The following SLC22A9 variants were observed in gnomAD, a reference collection of about 807,000 sequenced individuals.
SLC22A9 encodes organic anion transporter 7.
SLC22A9 carries 64 observed loss-of-function variants against 50.1 expected under a neutral mutation model. That is an observed-to-expected ratio of 1.28 (90% CI 1.04 to 1.57). The LOEUF (loss-of-function observed/expected upper bound fraction) is 1.57. SLC22A9 is among the 40% of genes most tolerant of loss of function. The probability of loss-of-function intolerance (pLI) is 0.00; values close to 1 mark genes in which losing one functional copy is unlikely to be tolerated. For missense variants in SLC22A9, 757 were observed against 676.1 expected (o/e 1.12, Z -1.33); for synonymous variants, 261 against 242.5 (o/e 1.08, Z -0.71).
chr11:63,385,317 T>C (rs1297683267), intron 6 of SLC22A9, among the ~76,000 whole-genome samples: 1 of 152,100 alleles, frequency 6.6e-6, no homozygotes. Context: ...CAGATTTTTC[T>C]AATTCTTTGA....
intron 8 of SLC22A9, 145 bp from the exon 9 acceptor site, chr11:63,408,531 A>T: frequency 1.3e-6 from 1 of 765,650 alleles, no homozygotes; most frequent in Non-Finnish European, 2.1e-6. Flanking sequence ...TTGCTAGCAA[A>T]TAAAAGTGAA....
At chr11:63,400,001 C>T (rs985210868) in intron 6 of SLC22A9, among the ~76,000 whole-genome samples, 1 of 151,910 alleles carries the variant, frequency 6.6e-6, no homozygotes, top group Non-Finnish European at 1.5e-5. Flanking sequence ...AATGGAAACA[C>T]AATATACCAA....
At chr11:63,382,052 C>A in intron 5 of SLC22A9, 107 bp from the exon 6 acceptor site, 1 of 696,084 alleles carries the variant, frequency 1.4e-6, no homozygotes, top group Non-Finnish European at 2.4e-6. Flanking sequence ...TTCCACCAGA[C>A]AGAAAGTGCA....
At position 63,373,671 on chromosome 11, in the gene SLC22A9, G is replaced by GT; in HGVS notation, c.535dup (p.Cys179LeufsTer113). On this transcript the variant is annotated frameshift_variant, in exon 3 of 10. Transcript: ENST00000279178. LOFTEE classifies it high-confidence loss of function. ...TTGGGAGAAGGTTCGTGCTCAGATG[G>GT]TGTTACCTCCAGGTTGCCATTGTTG... 6.3e-7 allele frequency: 1 copy of GT among 1,595,354 alleles called. No individual in the cohort carries two copies. Among genetic ancestry groups the GT allele is most frequent in the Non-Finnish European group, 8.5e-7 (1 of 1,173,090 alleles).
Position 63,409,684 on chromosome 11 carries a change from T to C in SLC22A9, c.1602-118T>C, listed in dbSNP as rs549897482. On this transcript the variant is annotated intron_variant, in intron 9 of 9. Transcript: ENST00000279178. The stretch of plus-strand genomic sequence containing the variant: ...CAATCCCTTGGGGGCAGAGATATGG[T>C]TTTTACCAAACTAATGGACAAAGAA... The C allele has an allele frequency of 4.4e-5, 47 of 1,061,842 alleles. No homozygotes were observed. The African/African-American group carries it at 7.2e-4, about 16-fold the overall frequency. 65.8% of individuals were successfully genotyped at this position (1,061,842 alleles called of 1,614,324 possible). A position where few individuals can be genotyped will look rare whatever the true frequency, so the allele number is the denominator to read the frequency against.
At position 63,375,762 on chromosome 11, in the gene SLC22A9, C is replaced by G. The variant is rs757889310; in HGVS notation, c.948C>G (p.Thr316=). Residue 316 remains threonine (T), a synonymous_variant, in exon 5 of 10, where the codon ACC becomes ACG. Transcript: ENST00000279178. ...SGMKNARDTL[T]LEILKSTMKK... Reference sequence around the variant, plus strand: ...TGAAGAATGCCAGAGACACCCTAACCCTGGAGGTGAGCTGGATGGGAGCTA... The same window carrying G: ...TGAAGAATGCCAGAGACACCCTAACGCTGGAGGTGAGCTGGATGGGAGCTA... The G allele has an allele frequency of 3.1e-6, 5 of 1,611,486 alleles. No homozygotes were observed. The East Asian group carries it at 1.1e-4, about 36-fold the overall frequency.
intron 5 of SLC22A9, among the ~76,000 whole-genome samples, chr11:63,377,070 G>A (rs1565182105): frequency 1.3e-5 from 2 of 151,914 alleles, no homozygotes; most frequent in African/African-American, 2.4e-5. Flanking sequence ...AATCTACAAA[G>A]AGACTTAGAT....
chr11:63,396,149 A>G (rs1237347027), intron 6 of SLC22A9, among the ~76,000 whole-genome samples: 4 of 152,150 alleles, frequency 2.6e-5, no homozygotes, highest in Non-Finnish European at 4.4e-5. Flanking sequence ...GCAAGAGAAA[A>G]GGGCTTTAGT....
chr11:63,383,431 A>G (rs2014602435), intron 6 of SLC22A9, among the ~76,000 whole-genome samples: 1 of 152,138 alleles, frequency 6.6e-6, no homozygotes, highest in Non-Finnish European at 1.5e-5. Flanking sequence ...AAACCAGTAG[A>G]TCTCTCTGAT....
At chr11:63,373,195 G>A (rs940755872) in intron 2 of SLC22A9, among the ~76,000 whole-genome samples, 3 of 130,838 alleles carry the variant, frequency 2.3e-5, no homozygotes, top group African/African-American at 8.7e-5. Flanking sequence ...TTCTATGGAT[G>A]TTCCTTTCAC....
intron 6 of SLC22A9, among the ~76,000 whole-genome samples, chr11:63,405,567 G>A (rs1322435314): frequency 6.6e-6 from 1 of 152,126 alleles, no homozygotes; most frequent in Admixed American, 6.6e-5. Flanking sequence ...AGGTTTCCTT[G>A]TTGCATTCTG....
Position 63,382,163 on chromosome 11 carries a change from T to C in SLC22A9, c.959T>C (p.Leu320Ser). The change falls in exon 6 of 10, where the codon TTG (leucine) becomes TCG (serine). Residue 320 changes from leucine (L) to serine (S), a missense_variant. By Grantham distance (145) the Leu-to-Ser change is moderately radical. Transcript: ENST00000279178. ...NARDTLTLEI[L>S]KSTMKKELEA... ...TTGTTTCTGCTATTGTTGAAGATTTTGAAATCCACCATGAAAAAAGAACTG... is the reference window on the plus strand; with the variant it reads ...TTGTTTCTGCTATTGTTGAAGATTTCGAAATCCACCATGAAAAAAGAACTG... 6.2e-7 allele frequency: 1 copy of C among 1,604,600 alleles called. No individual in the cohort carries two copies. The highest frequency in any genetic ancestry group is 8.5e-7 in the Non-Finnish European group (1 of 1,177,038).
intron 5 of SLC22A9, among the ~76,000 whole-genome samples, chr11:63,380,574 T>C (rs1302746549): frequency 1.3e-5 from 2 of 152,248 alleles, no homozygotes; most frequent in East Asian, 3.9e-4. Context: ...AGCCAATTAA[T>C]GCAGGAAAAG....
rs764439492 is a variant in SLC22A9 at position 63,373,998 on chromosome 11, C to T, written c.766C>T (p.Arg256Ter). The T allele has an allele frequency of 5.3e-5, 85 of 1,613,410 alleles. No homozygotes were observed. Among genetic ancestry groups the T allele is most frequent in the East Asian group, 2.0e-4 (9 of 44,876 alleles). ...CCTGGCAGGCCTGGCTTTTGCCATT[C>T]GAGACTGGCATATCCTCCAGCTGGT... ...MTLAGLAFAI[R>*]DWHILQLVVS... Residue 256 changes from arginine to a stop codon, truncating the protein, a stop_gained, in exon 4 of 10, where the codon CGA becomes TGA. Transcript: ENST00000279178. LOFTEE classifies it high-confidence loss of function.
intron 5 of SLC22A9, among the ~76,000 whole-genome samples, chr11:63,381,415 TC>T (rs1228001024): frequency 6.6e-6 from 1 of 152,172 alleles, no homozygotes; most frequent in Non-Finnish European, 1.5e-5. Flanking sequence ...AACTTACCTG[TC>T]CCAGTTTTTT....
At chr11:63,402,551 G>A (rs768778204) in intron 6 of SLC22A9, among the ~76,000 whole-genome samples, 1 of 151,740 alleles carries the variant, frequency 6.6e-6, no homozygotes, top group Non-Finnish European at 1.5e-5. Context: ...GTAGTGTGAT[G>A]CCTCTCACTC....
At chr11:63,402,675 G>C (rs189533761) in intron 6 of SLC22A9, among the ~76,000 whole-genome samples, 446 of 151,460 alleles carry the variant, frequency 2.9e-3, no homozygotes, top group Non-Finnish European at 4.4e-3. Context: ...AAAAAAAAAG[G>C]TTTTTAACTA....
Position 63,392,960 on chromosome 11 carries a change from G to A in SLC22A9, c.1073+10683G>A, listed in dbSNP as rs190459207. On this transcript the variant is annotated intron_variant, in intron 6 of 9. Transcript: ENST00000279178. ...TGTTCTTTTTGCATAGTCTTGCTTT[G>A]GCCATGCATGCTCTCTTTTGGTTTC... Among the ~76,000 whole-genome samples, 133 of 152,092 alleles carry A rather than the reference G, an allele frequency of 8.7e-4. 1 individual carries two copies. The highest frequency in any genetic ancestry group is 3.0e-3 in the African/African-American group (125 of 41,488).
intron 6 of SLC22A9, among the ~76,000 whole-genome samples, chr11:63,393,554 C>T (rs1023848346): frequency 9.2e-5 from 14 of 151,974 alleles, no homozygotes; most frequent in Admixed American, 2.0e-4. Flanking sequence ...TTATGTTGGC[C>T]GTGGGTTTGT....
Sources: allele counts gnomAD v4.1 joint callset (sites outside exome capture counted in the v4.1 genomes callset), GRCh38; gene constraint gnomAD v4.1.1; transcripts MANE v1.5; gene names NCBI Gene and HGNC (gene_info 2026-07-23, HGNC 2026-07-21).